Variants in PPP1R12A observed in about 807,000 individuals in gnomAD.
PPP1R12A encodes the protein myosin binding subunit.
Under a neutral mutation model 139.6 loss-of-function variants are expected in PPP1R12A, and 19 were observed. The observed-to-expected ratio is 0.14, with a 90% CI of 0.09 to 0.20. The LOEUF is 0.20. PPP1R12A is among the 10% of genes least tolerant of loss of function. PPP1R12A has a pLI of 1.00. For missense variants in PPP1R12A, 925 were observed against 1,211.5 expected, an observed-to-expected ratio of 0.76 and a Z score of 3.51; for synonymous variants, 427 against 420.6, an observed-to-expected ratio of 1.02 and a Z score of -0.19.
chr12:79,850,374 C>T (rs1437368609), intron 2 of PPP1R12A, among the ~76,000 whole-genome samples: 1 of 152,168 alleles, frequency 6.6e-6, no homozygotes, highest in Non-Finnish European at 1.5e-5. Context: ...TCTGGGTTAA[C>T]TGACTTTGGA....
intron 1 of PPP1R12A, among the ~76,000 whole-genome samples, chr12:79,923,524 G>A (rs1307634913): frequency 2.6e-5 from 4 of 152,086 alleles, no homozygotes; most frequent in Admixed American, 2.6e-4. Context: ...AATTAGGTAT[G>A]ACCCCATTTA....
Position 79,909,371 on chromosome 12 carries a change from T to C in PPP1R12A, c.237+25324A>G, listed in dbSNP as rs187306968. ...AGTCTCAAAGATGTTAATTCCCAAA[T>C]AGATCCTTCTGAAGACTCAGATATT... On this transcript the variant is annotated intron_variant, in intron 1 of 24. Coordinates refer to ENST00000450142, the MANE Select transcript of PPP1R12A (RefSeq NM_002480.3). Among the ~76,000 whole-genome samples, 461 of 152,294 alleles carry C rather than the reference T, an allele frequency of 3.0e-3. 3 individuals carry two copies. Among genetic ancestry groups the C allele is most frequent in the Non-Finnish European group, 4.8e-3 (326 of 68,006 alleles).
At chr12:79,828,485 T>C (rs1367535502) in intron 4 of PPP1R12A, 21 bp from the exon 5 acceptor site, 1 of 1,504,428 alleles carries the variant, frequency 6.6e-7, no homozygotes, top group Non-Finnish European at 9.0e-7. Flanking sequence ...TACAGTGAAT[T>C]AGACAATCAT....
chr12:79,928,577 C>CA (rs1888021306), intron 1 of PPP1R12A, among the ~76,000 whole-genome samples: 1 of 152,204 alleles, frequency 6.6e-6, no homozygotes, highest in African/African-American at 2.4e-5. Context: ...TTACACTGCA[C>CA]ATTCTTTTAG....
chr12:79,932,073 A>T (rs1469039614), intron 1 of PPP1R12A, among the ~76,000 whole-genome samples: 2 of 152,214 alleles, frequency 1.3e-5, no homozygotes, highest in East Asian at 1.9e-4. Flanking sequence ...AATTTAGAAC[A>T]CTTGATCAAA....
chr12:79,802,962 T>C (rs1873375137), intron 14 of PPP1R12A, among the ~76,000 whole-genome samples: 1 of 152,118 alleles, frequency 6.6e-6, no homozygotes, highest in African/African-American at 2.4e-5. Flanking sequence ...CCATGGCAAA[T>C]AGTACTATCA....
intron 2 of PPP1R12A, among the ~76,000 whole-genome samples, chr12:79,863,373 G>C (rs947635283): frequency 6.6e-6 from 1 of 152,100 alleles, no homozygotes; most frequent in African/African-American, 2.4e-5. Context: ...ATGCCAAATT[G>C]TAAATACCAT....
At chr12:79,861,758 A>T (rs189267322) in intron 2 of PPP1R12A, among the ~76,000 whole-genome samples, 2 of 152,274 alleles carry the variant, frequency 1.3e-5, no homozygotes, top group East Asian at 3.9e-4. Flanking sequence ...GGGAAAGGGC[A>T]TCTGCCATTG....
intron 14 of PPP1R12A, 69 bp from the exon 15 acceptor site, chr12:79,798,653 C>G: frequency 1.2e-6 from 1 of 836,036 alleles, no homozygotes. Flanking sequence ...TCTATCAATG[C>G]ATATGAATAA....
At chr12:79,805,875 TA>T in intron 13 of PPP1R12A, 107 bp from the exon 14 acceptor site, 5 of 1,231,328 alleles carry the variant, frequency 4.1e-6, no homozygotes, top group Non-Finnish European at 5.5e-6. Flanking sequence ...TGGATTTTTT[TA>T]AAACGCAAGG....
At chr12:79,906,836 G>A (rs1280490982) in intron 1 of PPP1R12A, among the ~76,000 whole-genome samples, 1 of 152,096 alleles carries the variant, frequency 6.6e-6, no homozygotes, top group Non-Finnish European at 1.5e-5. Flanking sequence ...AGTAGAGAAA[G>A]GATTTCGCCA....
In PPP1R12A at chr12:79,890,891, CCACCCACACCCACCCA is replaced by C. The variant is rs1340517628; in HGVS notation, c.238-17969_238-17954del. On this transcript the variant is annotated intron_variant, in intron 1 of 24. Coordinates refer to ENST00000450142, the MANE Select transcript of PPP1R12A (RefSeq NM_002480.3). Reference sequence around the variant, plus strand: ...AACCTCAAGAATACACACACACCACCCACCCACACCCACCCACACACACACACACACACACACACAC... The same window carrying C: ...AACCTCAAGAATACACACACACCACCCACACACACACACACACACACACAC... Among the ~76,000 whole-genome samples, 976 of 99,594 alleles carry C rather than the reference CCACCCACACCCACCCA, an allele frequency of 9.8e-3. 17 individuals carry two copies. Among genetic ancestry groups the C allele is most frequent in the African/African-American group, 0.039 (935 of 24,268 alleles). The allele number at this position is 99,594 out of a possible 152,430, so 65.3% of individuals were successfully genotyped here.
chr12:79,780,360 G>A (rs989460163), intron 23 of PPP1R12A: 1 of 152,050 alleles, frequency 6.6e-6, no homozygotes. Context: ...ATTATAGAGA[G>A]TGGATTAGCT....
At chr12:79,914,731 T>C (rs987372245) in intron 1 of PPP1R12A, among the ~76,000 whole-genome samples, 10 of 151,990 alleles carry the variant, frequency 6.6e-5, no homozygotes, top group Admixed American at 2.6e-4. Flanking sequence ...GTCCCTTTCC[T>C]GGAAATCTGG....
At chr12:79,869,897 T>C (rs771434469) in intron 2 of PPP1R12A, among the ~76,000 whole-genome samples, 1 of 143,956 alleles carries the variant, frequency 6.9e-6, no homozygotes, top group Non-Finnish European at 1.5e-5. Flanking sequence ...GTTATAACTA[T>C]TGTCTCTATT....
At chr12:79,864,794 G>C (rs1297274335) in intron 2 of PPP1R12A, among the ~76,000 whole-genome samples, 1 of 152,162 alleles carries the variant, frequency 6.6e-6, no homozygotes, top group Non-Finnish European at 1.5e-5. Flanking sequence ...TCTCTGAACA[G>C]GACAATAACA....
chr12:79,786,570 T>G, intron 21 of PPP1R12A, 92 bp from the exon 22 acceptor site: 1 of 778,646 alleles, frequency 1.3e-6, no homozygotes, highest in South Asian at 1.9e-5. Flanking sequence ...TTAAAACAGC[T>G]TAATGTAGCA....
chr12:79,787,945 A>G (rs144648505), intron 21 of PPP1R12A: 37 of 152,378 alleles, frequency 2.4e-4, no homozygotes, highest in African/African-American at 8.7e-4. Flanking sequence ...CTACATGGAA[A>G]ATGCCCACAA....
At chr12:79,930,110 G>A (rs1888137320) in intron 1 of PPP1R12A, among the ~76,000 whole-genome samples, 1 of 152,174 alleles carries the variant, frequency 6.6e-6, no homozygotes, top group African/African-American at 2.4e-5. Context: ...TTTATTGCAG[G>A]AGAGGCAGAA....
Sources: allele counts gnomAD v4.1 joint callset (sites outside exome capture counted in the v4.1 genomes callset), GRCh38; gene constraint gnomAD v4.1.1; transcripts MANE v1.5; gene names NCBI Gene and HGNC (gene_info 2026-07-23, HGNC 2026-07-21).